ALOX5: variants seen among roughly 807,000 people sequenced by gnomAD.
ALOX5 encodes polyunsaturated fatty acid 5-lipoxygenase.
Under a neutral mutation model 87.9 loss-of-function variants are expected in ALOX5, and 64 were observed. That is an observed-to-expected ratio of 0.73 (90% CI 0.60 to 0.90). The LOEUF (loss-of-function observed/expected upper bound fraction) is 0.90, where lower values mean the gene tolerates loss of function less well. Among genes scored for constraint, ALOX5 ranks in the 40% least tolerant of loss-of-function variants. ALOX5 has a pLI of 0.00. For missense variants in ALOX5, 822 were observed against 907.5 expected (o/e 0.91, Z 1.21); for synonymous variants, 388 against 355.1 (o/e 1.09, Z -1.04).
intron 4 of ALOX5, among the ~76,000 whole-genome samples, chr10:45,421,792 C>T (rs147928935): frequency 1.3e-5 from 2 of 152,334 alleles, no homozygotes; most frequent in African/African-American, 2.4e-5. Flanking sequence ...TGGTATTATT[C>T]GACAGCTCCA....
chr10:45,391,375 G>A (rs1450381114), intron 2 of ALOX5, among the ~76,000 whole-genome samples: 6 of 152,278 alleles, frequency 3.9e-5, no homozygotes, highest in African/African-American at 9.6e-5. Context: ...GATTGCAGAC[G>A]GAGTCTCATT....
intron 3 of ALOX5, among the ~76,000 whole-genome samples, chr10:45,396,586 T>G (rs1437143227): frequency 6.6e-6 from 1 of 152,222 alleles, no homozygotes; most frequent in Non-Finnish European, 1.5e-5. Flanking sequence ...ATTGAATTAC[T>G]AATTCTAAAA....
intron 2 of ALOX5, among the ~76,000 whole-genome samples, chr10:45,391,893 TTCTGAGAAGTGAGGAGCCCCTCC>T (rs1840285252): frequency 7.8e-6 from 1 of 128,638 alleles, no homozygotes; most frequent in Non-Finnish European, 1.8e-5. Context: ...CAGCCGCCCC[TTCTGAGAAGTGAGGAGCCCCTCC>T]GCCCGGCAGC....
At chr10:45,387,963 T>C (rs1840063139) in intron 2 of ALOX5, among the ~76,000 whole-genome samples, 1 of 152,066 alleles carries the variant, frequency 6.6e-6, no homozygotes, top group African/African-American at 2.4e-5. Flanking sequence ...GGCAGAACAG[T>C]GGGGGCAGCC....
chr10:45,395,759 G>A, intron 2 of ALOX5, 96 bp from the exon 3 acceptor site: 1 of 1,038,714 alleles, frequency 9.6e-7, no homozygotes, highest in South Asian at 1.3e-5. Flanking sequence ...AAAGCACTCG[G>A]CATGGGCAGG....
chr10:45,391,707 C>G (rs1233558109), intron 2 of ALOX5, among the ~76,000 whole-genome samples: 1 of 151,670 alleles, frequency 6.6e-6, no homozygotes, highest in Non-Finnish European at 1.5e-5. Flanking sequence ...TCTGCCCAGC[C>G]GCCCATCATC....
chr10:45,444,060 C>A, intron 12 of ALOX5, 56 bp from the exon 13 acceptor site: 1 of 1,488,742 alleles, frequency 6.7e-7, no homozygotes, highest in Non-Finnish European at 9.0e-7. Flanking sequence ...GCCCAGGGGG[C>A]AGCTGGGCAG....
intron 2 of ALOX5, among the ~76,000 whole-genome samples, chr10:45,392,984 T>G (rs1041849176): frequency 6.6e-6 from 1 of 151,988 alleles, no homozygotes; most frequent in Non-Finnish European, 1.5e-5. Flanking sequence ...CCAGAAAAGT[T>G]CAGGACCAGA....
chr10:45,392,906 GA>G (rs1479722317), intron 2 of ALOX5, among the ~76,000 whole-genome samples: 9 of 152,144 alleles, frequency 5.9e-5, no homozygotes, highest in Middle Eastern at 3.2e-3. Context: ...AAACCAGGAA[GA>G]AGTTGAATCC....
chr10:45,431,399 A>C (rs1055152154), intron 7 of ALOX5, among the ~76,000 whole-genome samples: 1 of 152,060 alleles, frequency 6.6e-6, no homozygotes, highest in African/African-American at 2.4e-5. Flanking sequence ...AGACCTAGAA[A>C]ACACAAGAGA....
Position 45,443,415 on chromosome 10 carries a change from G to A in ALOX5, c.1452-1G>A. 1 of 1,602,356 alleles carries A rather than the reference G, an allele frequency of 6.2e-7. No homozygotes were observed. Among genetic ancestry groups the A allele is most frequent in the Non-Finnish European group, 8.5e-7 (1 of 1,174,890 alleles). On this transcript the variant is annotated splice_acceptor_variant, in intron 10 of 13. Coordinates refer to ENST00000374391, the MANE Select transcript of ALOX5 (RefSeq NM_000698.5). LOFTEE classifies it high-confidence loss of function. ...CACCCCGGCTGCGCCCCCTGAGCCA[G>A]GTTCACGGCCGAGGTGGTAGACATC... is the stretch of plus-strand genomic sequence containing the variant.
chr10:45,420,636 C>A (rs749771126), intron 4 of ALOX5, among the ~76,000 whole-genome samples: 8 of 152,250 alleles, frequency 5.3e-5, no homozygotes, highest in Non-Finnish European at 1.2e-4. Context: ...CTCTGGCTGG[C>A]GACAGCTTGG....
chr10:45,424,092 GA>G lies in ALOX5; in HGVS notation c.608del (p.Asn203MetfsTer22). 6.2e-7 allele frequency: 1 copy of G among 1,614,194 alleles called. No individual in the cohort carries two copies. Among genetic ancestry groups the G allele is most frequent in the Non-Finnish European group, 8.5e-7 (1 of 1,180,030 alleles). On this transcript the variant is annotated frameshift_variant, in exon 5 of 14. Transcript: ENST00000374391. LOFTEE classifies it high-confidence loss of function. The stretch of plus-strand genomic sequence containing the variant: ...TCATGCACATGTTCCAGTCTTCTTG[GA>G]ATGACTTCGCCGACTTTGAGAAAAT... ...RFMHMFQSSW[N>X]DFADFEKIFV...
At chr10:45,423,979 A>G (rs1841598879) in intron 4 of ALOX5, 62 bp from the exon 5 acceptor site, 4 of 1,333,450 alleles carry the variant, frequency 3.0e-6, no homozygotes, top group African/African-American at 1.4e-5. Context: ...CTTGGTGTGA[A>G]GGGGCTCTGC....
intron 4 of ALOX5, among the ~76,000 whole-genome samples, chr10:45,416,861 G>C (rs1841308543): frequency 6.6e-6 from 1 of 151,992 alleles, no homozygotes. Context: ...TGGATGGATA[G>C]ATGGGTGGAT....
intron 2 of ALOX5, among the ~76,000 whole-genome samples, 195 bp from the exon 3 acceptor site, chr10:45,395,660 A>G (rs1018164019): frequency 5.3e-5 from 8 of 152,200 alleles, no homozygotes; most frequent in African/African-American, 1.9e-4. Flanking sequence ...GGTAAAGTTC[A>G]AGAGCAAAGC....
rs1564404725 is a variant in ALOX5, at chr10:45,374,357, CGTG to C, written c.80_82del (p.Val27del). On this transcript the variant is annotated inframe_deletion, in exon 1 of 14. Transcript: ENST00000374391. ...CTGACGACTACATCTACCTCAGCCTCGTGGGCTCGGCGGGCTGCAGCGAGAAGC... is the reference window on the plus strand; with the variant it reads ...CTGACGACTACATCTACCTCAGCCTCGGCTCGGCGGGCTGCAGCGAGAAGC... 1.3e-6 allele frequency: 2 copies of C among 1,548,242 alleles called. No homozygotes were observed. The highest frequency in any genetic ancestry group is 1.7e-6 in the Non-Finnish European group (2 of 1,149,864).
chr10:45,379,549 T>TA (rs199656834), intron 1 of ALOX5, among the ~76,000 whole-genome samples: 2,505 of 152,326 alleles, frequency 0.016, 25 homozygotes, highest in Middle Eastern at 0.065. Context: ...GTGCTCCAGT[T>TA]ACTCGGATTG....
chr10:45,399,587 A>C (rs896637252), intron 3 of ALOX5, among the ~76,000 whole-genome samples: 10 of 152,238 alleles, frequency 6.6e-5, no homozygotes, highest in Admixed American at 6.5e-4. Flanking sequence ...GGGTTCGGCA[A>C]AGTCTCTTAG....
Sources: gnomAD v4.1 joint callset for allele counts (sites outside exome capture counted in the v4.1 genomes callset) on GRCh38, gnomAD v4.1.1 for gene constraint, MANE v1.5 for transcripts, NCBI Gene and HGNC (gene_info 2026-07-23, HGNC 2026-07-21) for gene names.